Variants in MDGA2 observed in about 807,000 individuals in gnomAD.
MDGA2 encodes MAM domain containing glycosylphosphatidylinositol anchor 2.
In MDGA2, 40 loss-of-function variants were observed where a neutral mutation model predicts 117.8. The observed-to-expected ratio is 0.34, with a 90% confidence interval of 0.26 to 0.44. The LOEUF (loss-of-function observed/expected upper bound fraction) is 0.44, where lower values mean the gene tolerates loss of function less well. Ranked by LOEUF, MDGA2 falls within the 20% of genes least tolerant of loss-of-function variation. The pLI is 1.00. For synonymous variants in MDGA2, 452 were observed against 439.0 expected, an observed-to-expected ratio of 1.03 and a Z score of -0.37; for missense variants, 1,123 against 1,250.6, an observed-to-expected ratio of 0.90 and a Z score of 1.54.
chr14:47,005,771 A>G (rs562795159), intron 8 of MDGA2, among the ~76,000 whole-genome samples: 1 of 151,632 alleles, frequency 6.6e-6, no homozygotes, highest in South Asian at 2.1e-4. Context: ...ATCTAATGCT[A>G]TTGATACTAA....
At chr14:47,200,134 T>C (rs971163636) in intron 3 of MDGA2, among the ~76,000 whole-genome samples, 2 of 151,940 alleles carry the variant, frequency 1.3e-5, no homozygotes, top group African/African-American at 4.8e-5. Context: ...GTTGTATATA[T>C]GTGTTTACAT....
chr14:46,909,281 T>G (rs1405621256), intron 10 of MDGA2, among the ~76,000 whole-genome samples: 1 of 152,216 alleles, frequency 6.6e-6, no homozygotes, highest in Non-Finnish European at 1.5e-5. Context: ...TATTAATATA[T>G]TCAATCAAAT....
intron 7 of MDGA2, chr14:47,059,401 A>G (rs1175373157): frequency 1.0e-6 from 1 of 970,028 alleles, no homozygotes; most frequent in Non-Finnish European, 1.4e-6. Context: ...CAGGCAAATT[A>G]ATGATAGTTA....
At chr14:46,988,149 A>AT (rs1051479083) in intron 8 of MDGA2, among the ~76,000 whole-genome samples, 6 of 150,974 alleles carry the variant, frequency 4.0e-5, no homozygotes, top group South Asian at 4.2e-4. Context: ...GAAGGGTTGT[A>AT]TTTTTTTTTC....
intron 7 of MDGA2, among the ~76,000 whole-genome samples, chr14:47,049,130 TGG>T (rs1889364447): frequency 1.3e-5 from 2 of 152,118 alleles, no homozygotes; most frequent in Non-Finnish European, 2.9e-5. Flanking sequence ...ATGGTAAAAG[TGG>T]ACTACTTACG....
chr14:46,958,020 G>A (rs1885634138), intron 8 of MDGA2, among the ~76,000 whole-genome samples: 1 of 151,864 alleles, frequency 6.6e-6, no homozygotes, highest in Non-Finnish European at 1.5e-5. Flanking sequence ...TTTTTATTAT[G>A]CAATGAAAAG....
At chr14:47,027,177 A>G (rs1888504299) in intron 8 of MDGA2, among the ~76,000 whole-genome samples, 1 of 152,106 alleles carries the variant, frequency 6.6e-6, no homozygotes, top group Admixed American at 6.6e-5. Flanking sequence ...ATGGAAAAAA[A>G]AAACCTATAA....
chr14:46,913,551 T>C, intron 10 of MDGA2, among the ~76,000 whole-genome samples: 1 of 152,202 alleles, frequency 6.6e-6, no homozygotes, highest in East Asian at 1.9e-4. Flanking sequence ...TATAGTCACA[T>C]CTACTGAAGA....
Position 47,034,597 on chromosome 14 carries a change from G to A in MDGA2, c.1819+414C>T, listed in dbSNP as rs1341298880. ...TTGGGAAAAGGACATGCAATTGCCT[G>A]AAGTAAAAACATGGACTGTGAAAAC... On this transcript the variant is annotated intron_variant, in intron 8 of 16. Transcript: ENST00000399232. Among the ~76,000 whole-genome samples the A allele has an allele frequency of 2.0e-5, 3 of 152,116 alleles. No homozygotes were observed. In the East Asian group the frequency reaches 5.8e-4, roughly 29 times the overall value.
chr14:47,124,885 G>C (rs768183400), intron 5 of MDGA2, among the ~76,000 whole-genome samples: 1 of 152,118 alleles, frequency 6.6e-6, no homozygotes, highest in Non-Finnish European at 1.5e-5. Context: ...ATGGCACCTT[G>C]TAAACTTTTG....
intron 14 of MDGA2, among the ~76,000 whole-genome samples, chr14:46,864,071 C>A (rs1435963675): frequency 6.8e-6 from 1 of 147,494 alleles, no homozygotes; most frequent in Non-Finnish European, 1.5e-5. Context: ...CCCCCTCCCC[C>A]CACCCCCCAC....
intron 16 of MDGA2, among the ~76,000 whole-genome samples, chr14:46,845,325 G>A (rs938395872): frequency 3.9e-5 from 6 of 152,180 alleles, no homozygotes; most frequent in South Asian, 4.1e-4. Flanking sequence ...TGAACTGTGA[G>A]TCAATTAAAT....
At chr14:47,616,885 A>C (rs1407820857) in intron 1 of MDGA2, among the ~76,000 whole-genome samples, 1 of 152,208 alleles carries the variant, frequency 6.6e-6, no homozygotes, top group African/African-American at 2.4e-5. Context: ...ATTAAAATTA[A>C]TTAAAATTAA....
chr14:46,912,934 AC>A (rs995358514), intron 10 of MDGA2, among the ~76,000 whole-genome samples: 2 of 152,092 alleles, frequency 1.3e-5, no homozygotes, highest in Admixed American at 1.3e-4. Context: ...ACTTTTTACA[AC>A]TGACATATGG....
At chr14:47,188,570 G>A (rs764522884) in intron 3 of MDGA2, among the ~76,000 whole-genome samples, 25 of 152,126 alleles carry the variant, frequency 1.6e-4, no homozygotes, top group Non-Finnish European at 3.1e-4. Context: ...AAGGGAGTCC[G>A]GATGCACATA....
At position 46,857,117 on chromosome 14, in the gene MDGA2, C is replaced by T. The variant is rs746046750; in HGVS notation, c.2753-1963G>A. Among the ~76,000 whole-genome samples, 5 of 152,028 alleles carry T rather than the reference C, an allele frequency of 3.3e-5. No individual in the cohort carries two copies. The East Asian group carries it at 5.8e-4, about 18-fold the overall frequency. On this transcript the variant is annotated intron_variant, in intron 14 of 16. Transcript: ENST00000399232. ...TGTTTACATTGTAAACCTTACCTTC[C>T]GGTACTATTTTTTAAGAGCCAGATA...
chr14:47,349,948 C>T (rs1038467872), intron 1 of MDGA2, among the ~76,000 whole-genome samples: 1 of 152,230 alleles, frequency 6.6e-6, no homozygotes, highest in Admixed American at 6.5e-5. Context: ...AGAGCTATCA[C>T]ATCAGATACA....
chr14:47,173,912 G>T (rs1378076855), intron 3 of MDGA2, among the ~76,000 whole-genome samples: 1 of 152,062 alleles, frequency 6.6e-6, no homozygotes, highest in East Asian at 1.9e-4. Flanking sequence ...CAGCTCATGC[G>T]CAGAGACACA....
chr14:47,076,951 C>A lies in MDGA2; in HGVS notation c.1196-15373G>T, dbSNP rs1203156104. Among the ~76,000 whole-genome samples the A allele has an allele frequency of 7.9e-5, 12 of 151,960 alleles. 1 individual carries two copies. The highest frequency in any genetic ancestry group is 7.9e-4 in the Admixed American group (12 of 15,270). ...GAAAATCCTGCACATTTCTACTCAC[C>A]CATTTTTTAATAAGATAATCATTTC... On this transcript the variant is annotated intron_variant, in intron 6 of 16. Coordinates refer to ENST00000399232, the MANE Select transcript of MDGA2 (RefSeq NM_001113498.3).
Sources: gnomAD v4.1 joint callset for allele counts (sites outside exome capture counted in the v4.1 genomes callset) on GRCh38, gnomAD v4.1.1 for gene constraint, MANE v1.5 for transcripts, NCBI Gene and HGNC (gene_info 2026-07-23, HGNC 2026-07-21) for gene names.